Variants in PEPD observed in about 807,000 individuals in gnomAD.
The protein encoded by PEPD is xaa-Pro dipeptidase.
A neutral mutation model predicts 60.7 loss-of-function variants in PEPD; 53 were observed. That is an observed-to-expected ratio of 0.87 (90% CI 0.70 to 1.10). The LOEUF (loss-of-function observed/expected upper bound fraction) is 1.10. Among genes scored for constraint, PEPD ranks in the 50% least tolerant of loss-of-function variants. The pLI is 0.00. For missense variants in PEPD, 711 were observed against 711.9 expected (o/e 1.00, Z 0.01); for synonymous variants, 267 against 284.1 (o/e 0.94, Z 0.60).
At chr19:33,476,388 A>G (rs147212581) in intron 7 of PEPD, among the ~76,000 whole-genome samples, 2 of 152,268 alleles carry the variant, frequency 1.3e-5, no homozygotes, top group East Asian at 3.9e-4. Context: ...CTGCCCCGGT[A>G]TCTGGCCCTC....
intron 3 of PEPD, among the ~76,000 whole-genome samples, chr19:33,506,291 TCA>T (rs1293469950): frequency 2.1e-5 from 2 of 93,136 alleles, no homozygotes; most frequent in Admixed American, 1.2e-4. Context: ...TACACACTAC[TCA>T]CACACCCACT....
chr19:33,417,167 G>A (rs1968907724), intron 9 of PEPD, among the ~76,000 whole-genome samples: 1 of 152,260 alleles, frequency 6.6e-6, no homozygotes, highest in South Asian at 2.1e-4. Context: ...CTCGAGCATG[G>A]GTGGGGTAGC....
At chr19:33,433,999 C>T (rs1969325045) in intron 9 of PEPD, among the ~76,000 whole-genome samples, 1 of 84 alleles carries the variant, frequency 0.012, no homozygotes, top group African/African-American at 0.062. Flanking sequence ...GGGTGAAGAC[C>T]CCAGGACATT....
chr19:33,463,187 T>G (rs1969961435), intron 8 of PEPD, 146 bp from the exon 9 acceptor site: 1 of 716,842 alleles, frequency 1.4e-6, no homozygotes, highest in Non-Finnish European at 2.5e-6. Flanking sequence ...TACAGACATG[T>G]GACAAATTAG....
chr19:33,462,461 G>A (rs970675937), intron 9 of PEPD, among the ~76,000 whole-genome samples: 1 of 152,188 alleles, frequency 6.6e-6, no homozygotes, highest in Non-Finnish European at 1.5e-5. Context: ...GTCCTGGAGC[G>A]GGGCTGAGCT....
At chr19:33,464,482 G>A (rs1223078836) in intron 7 of PEPD, among the ~76,000 whole-genome samples, 1 of 152,200 alleles carries the variant, frequency 6.6e-6, no homozygotes, top group African/African-American at 2.4e-5. Flanking sequence ...GCTCTGTCCT[G>A]TTGGCTGAAG....
intron 9 of PEPD, among the ~76,000 whole-genome samples, chr19:33,431,016 G>A (rs1203956859): frequency 2.0e-5 from 3 of 152,160 alleles, no homozygotes; most frequent in Non-Finnish European, 4.4e-5. Context: ...GGGAGGCTGA[G>A]GCAGGAGGAC....
chr19:33,388,397 G>A (rs1968131306), intron 13 of PEPD: 7 of 557,594 alleles, frequency 1.3e-5, no homozygotes, highest in Middle Eastern at 3.3e-4. Context: ...CTGAGGGTTG[G>A]GCTGCCCTTA....
At chr19:33,423,748 C>G (rs190499566) in intron 9 of PEPD, among the ~76,000 whole-genome samples, 19 of 152,340 alleles carry the variant, frequency 1.2e-4, no homozygotes, top group Admixed American at 4.6e-4. Flanking sequence ...ATTTATGTAA[C>G]AAGTTTCCCC....
intron 6 of PEPD, among the ~76,000 whole-genome samples, chr19:33,479,858 T>C (rs142844288): frequency 0.011 from 1,678 of 152,356 alleles, 25 homozygotes; most frequent in South Asian, 0.07. Context: ...GTGTTTGCTA[T>C]TGTGAATAGT....
intron 9 of PEPD, among the ~76,000 whole-genome samples, chr19:33,454,991 G>A (rs1037031197): frequency 2.0e-5 from 3 of 152,176 alleles, no homozygotes; most frequent in Non-Finnish European, 4.4e-5. Context: ...CATACTCCTC[G>A]AAAGTGTCAA....
At chr19:33,490,868 G>A (rs1970485388) in intron 5 of PEPD, among the ~76,000 whole-genome samples, 1 of 151,406 alleles carries the variant, frequency 6.6e-6, no homozygotes, top group South Asian at 2.1e-4. Context: ...TTGCCACGTT[G>A]GCCAGGCTTG....
At chr19:33,418,374 G>A (rs1968936215) in intron 9 of PEPD, among the ~76,000 whole-genome samples, 1 of 152,214 alleles carries the variant, frequency 6.6e-6, no homozygotes, top group South Asian at 2.1e-4. Context: ...AGCAGAGCGT[G>A]CCTTATGGTC....
intron 9 of PEPD, among the ~76,000 whole-genome samples, chr19:33,461,854 G>C (rs1191153741): frequency 6.6e-6 from 1 of 152,230 alleles, no homozygotes; most frequent in Non-Finnish European, 1.5e-5. Flanking sequence ...ACGGAGCTGG[G>C]CTTCTGATTA....
chr19:33,398,332 T>G (rs1474682616), intron 12 of PEPD, among the ~76,000 whole-genome samples: 1 of 152,238 alleles, frequency 6.6e-6, no homozygotes, highest in Non-Finnish European at 1.5e-5. Context: ...GGGCTCTGAC[T>G]TTCTGGACAT....
At chr19:33,459,528 C>A (rs917277055) in intron 9 of PEPD, among the ~76,000 whole-genome samples, 1 of 152,108 alleles carries the variant, frequency 6.6e-6, no homozygotes. Flanking sequence ...GCTGTTAGAG[C>A]CCAATTTACC....
chr19:33,496,916 G>A (rs760369777), intron 4 of PEPD, among the ~76,000 whole-genome samples: 1 of 152,256 alleles, frequency 6.6e-6, no homozygotes, highest in Non-Finnish European at 1.5e-5. Flanking sequence ...AGGGTGATAA[G>A]CTGGACAAAA....
At chr19:33,391,910 G>C (rs915288814) in intron 12 of PEPD, among the ~76,000 whole-genome samples, 8 of 152,190 alleles carry the variant, frequency 5.3e-5, no homozygotes, top group African/African-American at 1.9e-4. Flanking sequence ...CTCTGGCCCT[G>C]AGGCTCAGAC....
At chr19:33,463,377 G>A (rs957142021) in intron 8 of PEPD, among the ~76,000 whole-genome samples, 10 of 152,310 alleles carry the variant, frequency 6.6e-5, no homozygotes, top group Admixed American at 3.3e-4. Context: ...AAGCTATGAC[G>A]ATCACTAAAA....
Sources: gnomAD v4.1 joint callset for allele counts (sites outside exome capture counted in the v4.1 genomes callset) on GRCh38, gnomAD v4.1.1 for gene constraint, MANE v1.5 for transcripts, NCBI Gene and HGNC (gene_info 2026-07-23, HGNC 2026-07-21) for gene names.